Variants in RPS6KA6 observed in about 807,000 individuals in gnomAD.
The protein encoded by RPS6KA6 is ribosomal protein S6 kinase A6.
A neutral mutation model predicts 65.4 loss-of-function variants in RPS6KA6; 27 were observed. That is an observed-to-expected ratio of 0.41 (90% CI 0.30 to 0.57). The LOEUF is 0.57. RPS6KA6 is among the 20% of genes least tolerant of loss of function. RPS6KA6 has a pLI of 0.24. For missense variants in RPS6KA6, 486 were observed against 555.6 expected (o/e 0.87, Z 1.26); for synonymous variants, 190 against 184.2 (o/e 1.03, Z -0.26).
chrX:84,183,431 A>G (rs2035886323), intron 1 of RPS6KA6, among the ~76,000 whole-genome samples: 1 of 111,061 alleles, frequency 9.0e-6, no homozygotes, highest in African/African-American at 3.3e-5. Context: ...TATCTCCCCC[A>G]TTCCTCACTA....
At chrX:84,178,323 G>A (rs2035799324) in intron 1 of RPS6KA6, among the ~76,000 whole-genome samples, 1 of 111,661 alleles carries the variant, frequency 9.0e-6, no homozygotes, top group African/African-American at 3.3e-5. Flanking sequence ...GAGATAAGCA[G>A]AGAAGTATCA....
At chrX:84,158,473 C>G (rs984684381) in intron 2 of RPS6KA6, among the ~76,000 whole-genome samples, 4 of 110,575 alleles carry the variant, frequency 3.6e-5, no homozygotes, top group African/African-American at 1.3e-4. Context: ...AATAAGGAAA[C>G]AGGAGATTCA....
chrX:84,092,228 AT>A (rs1421803909), intron 20 of RPS6KA6, among the ~76,000 whole-genome samples: 1 of 111,289 alleles, frequency 9.0e-6, no homozygotes, highest in Non-Finnish European at 1.9e-5. Context: ...CAAAAAAAAA[AT>A]ATTCAGGGAA....
intron 8 of RPS6KA6, among the ~76,000 whole-genome samples, chrX:84,122,254 G>C (rs1013233980): frequency 9.0e-6 from 1 of 111,167 alleles, no homozygotes; most frequent in Non-Finnish European, 1.9e-5. Context: ...TCAGCAACTG[G>C]GGGGCTTTAC....
chrX:84,174,540 C>G (rs1407154100), intron 1 of RPS6KA6, among the ~76,000 whole-genome samples: 2 of 111,799 alleles, frequency 1.8e-5, no homozygotes, highest in African/African-American at 6.5e-5. Flanking sequence ...GTTGTAAAAG[C>G]AGTTAGCTGG....
Position 84,060,392 on chromosome X carries a change from G to A in RPS6KA6, c.*3885C>T, listed in dbSNP as rs2033285166. 1 of 99,707 alleles carries A rather than the reference G, an allele frequency of 1.0e-5. No homozygotes were observed. Among genetic ancestry groups the A allele is most frequent in the South Asian group, 4.9e-4 (1 of 2,047 alleles). 8.2% of individuals were successfully genotyped at this position (99,707 alleles called of 1,213,427 possible). The stretch of plus-strand genomic sequence containing the variant: ...TTTCTAGGTCCTAAAATCTGGAAAA[G>A]GGATCTGGAAAAATTTGGACTCCAT... On this transcript the variant is annotated 3_prime_UTR_variant, in exon 22 of 22. Coordinates refer to ENST00000262752, the MANE Select transcript of RPS6KA6 (RefSeq NM_014496.5).
At chrX:84,089,231 G>A (rs964586048) in intron 20 of RPS6KA6, among the ~76,000 whole-genome samples, 1 of 111,929 alleles carries the variant, frequency 8.9e-6, no homozygotes, top group African/African-American at 3.2e-5. Context: ...TGGACTCCTC[G>A]GAGCTGGCAG....
intron 20 of RPS6KA6, among the ~76,000 whole-genome samples, chrX:84,083,127 T>C (rs777936528): frequency 2.8e-4 from 32 of 112,510 alleles, no homozygotes; most frequent in Non-Finnish European, 4.9e-4. Context: ...AGCTTTTGCA[T>C]AGCAAAATAA....
intron 18 of RPS6KA6, 54 bp downstream of exon 18, chrX:84,101,983 G>A (rs1225929373): frequency 1.0e-6 from 1 of 1,003,764 alleles, no homozygotes; most frequent in Non-Finnish European, 1.3e-6. Context: ...GCATCATATA[G>A]ATTCAACTAA....
intron 20 of RPS6KA6, among the ~76,000 whole-genome samples, chrX:84,071,293 T>C (rs2033537403): frequency 8.9e-6 from 1 of 112,050 alleles, no homozygotes; most frequent in South Asian, 3.7e-4. Context: ...TGGAAAGAAC[T>C]ATCTGAAAGC....
intron 20 of RPS6KA6, among the ~76,000 whole-genome samples, chrX:84,076,649 C>T (rs1197058486): frequency 1.8e-5 from 2 of 111,299 alleles, no homozygotes; most frequent in Non-Finnish European, 3.8e-5. Context: ...GGAACTTTTA[C>T]CTAATTAGAA....
chrX:84,098,287 A>G (rs953526810), intron 18 of RPS6KA6, among the ~76,000 whole-genome samples: 3 of 111,267 alleles, frequency 2.7e-5, no homozygotes, highest in African/African-American at 9.8e-5. Flanking sequence ...ACTACACAAG[A>G]TATGGCAAGA....
In RPS6KA6 at chrX:84,156,160, G is replaced by A. The variant is rs2035413387; in HGVS notation, c.173C>T (p.Thr58Ile). 1 of 1,171,953 alleles carries A rather than the reference G, an allele frequency of 8.5e-7. No homozygotes were observed. Among genetic ancestry groups the A allele is most frequent in the African/African-American group, 1.8e-5 (1 of 56,328 alleles). ...DEGVVKEIPI[T>I]HHVKEGYEKA... ...CTCATAGCCTTCCTTAACATGATGA[G>A]TAATAGGGATTTCTTTAACAACTCC... Residue 58 changes from threonine (T) to isoleucine (I), a missense_variant, in exon 3 of 22, where the codon ACT becomes ATT. Physicochemically the swap from Thr to Ile is moderately conservative, Grantham distance 89. Transcript: ENST00000262752.
At chrX:84,107,380 T>C (rs2034380783) in intron 13 of RPS6KA6, among the ~76,000 whole-genome samples, 1 of 111,913 alleles carries the variant, frequency 8.9e-6, no homozygotes, top group East Asian at 2.8e-4. Flanking sequence ...AAAGGACTTA[T>C]AAAACAAAGA....
At chrX:84,146,927 A>T (rs991180419) in intron 5 of RPS6KA6, 51 bp downstream of exon 5, 24 of 666,450 alleles carry the variant, frequency 3.6e-5, no homozygotes, top group Non-Finnish European at 5.1e-5. Flanking sequence ...CTAATTCCAT[A>T]TTAATAAATA....
intron 1 of RPS6KA6, among the ~76,000 whole-genome samples, chrX:84,184,553 C>A (rs752861260): frequency 6.3e-5 from 7 of 111,504 alleles, no homozygotes; most frequent in Non-Finnish European, 1.3e-4. Flanking sequence ...ATGAGTATGG[C>A]ATGGAGCTCG....
At chrX:84,142,274 T>A (rs1453452060) in intron 6 of RPS6KA6, among the ~76,000 whole-genome samples, 1 of 110,765 alleles carries the variant, frequency 9.0e-6, no homozygotes. Context: ...TATCAATGGG[T>A]CAAAGAAATA....
intron 20 of RPS6KA6, among the ~76,000 whole-genome samples, chrX:84,072,373 TAAAC>T (rs894529598): frequency 9.0e-6 from 1 of 111,450 alleles, no homozygotes; most frequent in African/African-American, 3.3e-5. Flanking sequence ...TAAAAAACAT[TAAAC>T]AAATTAGGTA....
chrX:84,104,188 T>C (rs2034310449), intron 17 of RPS6KA6, among the ~76,000 whole-genome samples: 1 of 111,361 alleles, frequency 9.0e-6, no homozygotes, highest in South Asian at 3.7e-4. Flanking sequence ...ATAGTCACTG[T>C]ATGTCTTTGG....
Sources: gnomAD v4.1 joint callset for allele counts (sites outside exome capture counted in the v4.1 genomes callset) on GRCh38, gnomAD v4.1.1 for gene constraint, MANE v1.5 for transcripts, NCBI Gene and HGNC (gene_info 2026-07-23, HGNC 2026-07-21) for gene names.